The following TULP1 variants were observed in gnomAD, a reference collection of about 807,000 sequenced individuals.
TULP1 encodes tubby-related protein 1.
A neutral mutation model predicts 67.1 loss-of-function variants in TULP1; 50 were observed. That is an observed-to-expected ratio of 0.75 (90% CI 0.59 to 0.94). The LOEUF (loss-of-function observed/expected upper bound fraction) is 0.94. Among genes scored for constraint, TULP1 ranks in the 40% least tolerant of loss-of-function variants. The probability of loss-of-function intolerance (pLI) is 0.00; values close to 1 mark genes in which losing one functional copy is unlikely to be tolerated. For synonymous variants in TULP1, 297 were observed against 294.0 expected, an observed-to-expected ratio of 1.01 and a Z score of -0.11; for missense variants, 746 against 734.1, an observed-to-expected ratio of 1.02 and a Z score of -0.19.
rs147380025 is a variant in TULP1, at chr6:35,501,261, CT to C, written c.1324-1110del. On this transcript the variant is annotated intron_variant, in intron 13 of 14. Coordinates refer to ENST00000229771, the MANE Select transcript of TULP1 (RefSeq NM_003322.6). ...GTGGCTCACGCATATAATCCCAACA[CT>C]TTGAGAAGCCGAGACGAGAGGATCA... 6.2e-3 allele frequency among the ~76,000 whole-genome samples: 947 copies of C among 152,188 alleles called. 9 individuals carry two copies. The highest frequency in any genetic ancestry group is 0.022 in the African/African-American group (900 of 41,522).
rs750063639 is a variant in TULP1 at position 35,505,985 on chromosome 6, C to A, written c.999+18G>T. The A allele has an allele frequency of 6.2e-7, 1 of 1,614,142 alleles. No individual in the cohort carries two copies. On this transcript the variant is annotated intron_variant, in intron 10 of 14. Coordinates refer to ENST00000229771, the MANE Select transcript of TULP1 (RefSeq NM_003322.6). ...GGATCCCTCCACACTCCCTCCTCTGCTGCCTCTCCCCACCCACCTTCTTCT... is the reference window on the plus strand; with the variant it reads ...GGATCCCTCCACACTCCCTCCTCTGATGCCTCTCCCCACCCACCTTCTTCT...
chr6:35,505,551 C>G (rs1436833982), intron 11 of TULP1, 190 bp downstream of exon 11: 5 of 1,500,348 alleles, frequency 3.3e-6, no homozygotes, highest in Non-Finnish European at 4.5e-6. Flanking sequence ...CGGGCCCACC[C>G]CACACACTCA....
rs1561817813 is a variant in TULP1, at chr6:35,510,943, G to C, written c.417C>G (p.Ile139Met). The change falls in exon 5 of 15, where the codon ATC becomes ATG. Residue 139 changes from isoleucine to methionine, a missense_variant. Coordinates refer to ENST00000229771, the MANE Select transcript of TULP1 (RefSeq NM_003322.6). Reference protein sequence around the residue: ...EEEAEEKKEKILLPPKKPLRE... With the variant: ...EEEAEEKKEKMLLPPKKPLRE... The stretch of plus-strand genomic sequence containing the variant: ...TCAGGGGCTTCTTGGGAGGCAGAAG[G>C]ATTTTCTCTTTCTTTTCCTCTGCCT... 8 of 1,613,264 alleles carry C rather than the reference G, an allele frequency of 5.0e-6. No individual in the cohort carries two copies. The highest frequency in any genetic ancestry group is 6.8e-6 in the Non-Finnish European group (8 of 1,179,948).
At position 35,510,974 on chromosome 6, in the gene TULP1, T is replaced by G; in HGVS notation, c.386A>C (p.Glu129Ala). 6.2e-7 allele frequency: 1 copy of G among 1,600,816 alleles called. No individual in the cohort carries two copies. Among genetic ancestry groups the G allele is most frequent in the South Asian group, 1.1e-5 (1 of 90,990 alleles). Residue 129 changes from glutamate (E) to alanine (A), a missense_variant, in exon 5 of 15, where the codon GAA (glutamate) becomes GCA (alanine). Transcript: ENST00000229771. ...CTCTTTCTTTTCCTCTGCCTCCTCT[T>G]CCTCGTCCTCCTCGTCCTCCTCTTC... ...EEEEEDEEDE[E>A]EEAEEKKEKI...
intron 8 of TULP1, among the ~76,000 whole-genome samples, chr6:35,508,766 T>G (rs1761129888): frequency 6.6e-6 from 1 of 152,116 alleles, no homozygotes; most frequent in Non-Finnish European, 1.5e-5. Context: ...GCTGGGAGGT[T>G]GGGAGGTCCT....
rs765500202 is a variant in TULP1 at position 35,509,261 on chromosome 6, G to A, written c.770C>T (p.Thr257Met). ...KEEEEEEEAATVIKKSNQKGK... is the reference protein window; with the variant it reads ...KEEEEEEEAAMVIKKSNQKGK... Reference sequence around the variant, plus strand: ...CTTTTGATTGCTCTTCTTTATCACCGTAGCTGCCTCCTCCTCCTCTTCTTC... The same window carrying A: ...CTTTTGATTGCTCTTCTTTATCACCATAGCTGCCTCCTCCTCCTCTTCTTC... Residue 257 changes from threonine (T) to methionine (M), a missense_variant, in exon 8 of 15, where the codon ACG becomes ATG. Physicochemically the swap from Thr to Met is moderately conservative, Grantham distance 81. Coordinates refer to ENST00000229771, the MANE Select transcript of TULP1 (RefSeq NM_003322.6). 2.2e-5 allele frequency: 36 copies of A among 1,613,774 alleles called. No homozygotes were observed. The highest frequency in any genetic ancestry group is 2.5e-5 in the Non-Finnish European group (29 of 1,179,932).
Position 35,511,652 on chromosome 6 carries a change from C to T in TULP1, c.345G>A (p.Glu115=). 2 of 1,594,172 alleles carry T rather than the reference C, an allele frequency of 1.3e-6. No homozygotes were observed. Among genetic ancestry groups the T allele is most frequent in the Non-Finnish European group, 1.7e-6 (2 of 1,169,842 alleles). ...GTCCCTGGGGCCCTCTCTCACCGTCCTCCGCGTCTGGGGCACGGGCTACCA... is the reference window on the plus strand; with the variant it reads ...GTCCCTGGGGCCCTCTCTCACCGTCTTCCGCGTCTGGGGCACGGGCTACCA... ...TFLVARAPDA[E]DEEEEEEEDE... Residue 115 remains glutamate, a synonymous_variant, in exon 4 of 15, where the codon GAG becomes GAA. Coordinates refer to ENST00000229771, the MANE Select transcript of TULP1 (RefSeq NM_003322.6).
chr6:35,509,422 C>T (rs1761151460), intron 7 of TULP1, 110 bp from the exon 8 acceptor site: 5 of 1,185,608 alleles, frequency 4.2e-6, no homozygotes, highest in Non-Finnish European at 5.0e-6. Flanking sequence ...GAGAGTCGAC[C>T]CCATGTTATT....
At chr6:35,509,491 G>A (rs540643717) in intron 7 of TULP1, 143 bp downstream of exon 7, 2 of 1,060,390 alleles carry the variant, frequency 1.9e-6, no homozygotes, top group Non-Finnish European at 2.9e-6. Flanking sequence ...CAAAGCGGGG[G>A]TCAAGATGCC....
At position 35,511,009 on chromosome 6, in the gene TULP1, C is replaced by A; in HGVS notation, c.351G>T (p.Glu117Asp). ...LVARAPDAED[E>D]EEEEEEDEED... ...CCTCGTCCTCCTCTTCCTCCTCCTC[C>A]TCTGCAGGTAGAAACTCTTCATAAT... is the stretch of plus-strand genomic sequence containing the variant. Residue 117 changes from glutamate (E) to aspartate (D), a missense_variant and splice_region_variant, in exon 5 of 15, where the codon GAG becomes GAT. By Grantham distance (45) the Glu-to-Asp change is conservative. This residue lies in a region of TULP1 where 359 missense variants were observed against 341.9 expected (regional missense o/e 1.05). Coordinates refer to ENST00000229771, the MANE Select transcript of TULP1 (RefSeq NM_003322.6). 1 of 1,605,276 alleles carries A rather than the reference C, an allele frequency of 6.2e-7. No individual in the cohort carries two copies.
At chr6:35,509,957 A>G (rs1285028384) in intron 5 of TULP1, 29 bp from the exon 6 acceptor site, 1 of 1,608,880 alleles carries the variant, frequency 6.2e-7, no homozygotes, top group South Asian at 1.1e-5. Flanking sequence ...GGTCAGGCAA[A>G]GAAGGTGTCT....
chr6:35,499,920 A>C, intron 14 of TULP1, 61 bp downstream of exon 14: 1 of 1,598,572 alleles, frequency 6.3e-7, no homozygotes, highest in Non-Finnish European at 8.6e-7. Flanking sequence ...GGGAGCTTGA[A>C]TGAAGGTCAG....
At chr6:35,504,726 A>AT (rs557027315) in intron 11 of TULP1, among the ~76,000 whole-genome samples, 4,545 of 143,252 alleles carry the variant, frequency 0.032, 148 homozygotes, top group African/African-American at 0.093. Context: ...CGCTGGGCTA[A>AT]TTTTTTTTTT....
At chr6:35,511,290 G>A (rs1233118652) in intron 4 of TULP1, among the ~76,000 whole-genome samples, 6 of 152,154 alleles carry the variant, frequency 3.9e-5, no homozygotes, top group African/African-American at 4.8e-5. Flanking sequence ...TTACACGCTC[G>A]CCTTGCCTCC....
At chr6:35,506,811 G>A (rs1761097657) in intron 8 of TULP1, among the ~76,000 whole-genome samples, 1 of 152,116 alleles carries the variant, frequency 6.6e-6, no homozygotes, top group Non-Finnish European at 1.5e-5. Flanking sequence ...TCTCCTATGA[G>A]GTCCAGAGCC....
At chr6:35,511,939 T>G (rs1179177794) in intron 3 of TULP1, 133 bp from the exon 4 acceptor site, 8 of 1,085,620 alleles carry the variant, frequency 7.4e-6, no homozygotes, top group Non-Finnish European at 8.9e-6. Context: ...GGCTTGGGTT[T>G]CCACTTTCAA....
chr6:35,504,124 T>G lies in TULP1; in HGVS notation c.1113-276A>C, dbSNP rs117913447. On this transcript the variant is annotated intron_variant, in intron 11 of 14. Coordinates refer to ENST00000229771, the MANE Select transcript of TULP1 (RefSeq NM_003322.6). ...TGAGTCCAGGAGTTGGAAACCAGCC[T>G]GGGCAACATGGCAGACAACGCTGTC... 8.0e-4 allele frequency: 320 copies of G among 399,272 alleles called. 1 individual carries two copies. In the East Asian group the frequency reaches 0.012, roughly 15 times the overall value. The allele number at this position is 399,272 out of a possible 1,614,324, so 24.7% of individuals were successfully genotyped here. A position where few individuals can be genotyped will look rare whatever the true frequency, so the allele number is the denominator to read the frequency against.
chr6:35,511,035 G>C (rs1441092914), intron 4 of TULP1, 25 bp from the exon 5 acceptor site: 1 of 1,601,142 alleles, frequency 6.2e-7, no homozygotes, highest in Non-Finnish European at 8.5e-7. Context: ...TCTTCATAAT[G>C]GGGGTTTGAG....
At position 35,509,924 on chromosome 6, in the gene TULP1, G is replaced by T; in HGVS notation, c.504C>A (p.Asp168Glu). The change falls in exon 6 of 15, where the codon GAC becomes GAA. Residue 168 changes from aspartate to glutamate, a missense_variant. By Grantham distance (45) the Asp-to-Glu change is conservative (BLOSUM62 2). Around this residue, in one of 3 missense-constraint regions of TULP1, gnomAD observed 359 missense variants for 341.9 expected, o/e 1.05. Coordinates refer to ENST00000229771, the MANE Select transcript of TULP1 (RefSeq NM_003322.6). ...TCGGTGGGGGGTCAGGGCTTCCCAG[G>T]TCTCCTGGAAATGGAAGATGGGGGT... ...RRAKAQGPRG[D>E]LGSPDPPPKP... The T allele has an allele frequency of 6.2e-7, 1 of 1,613,704 alleles. No individual in the cohort carries two copies. The highest frequency in any genetic ancestry group is 8.5e-7 in the Non-Finnish European group (1 of 1,179,998).
Sources: gnomAD v4.1 joint callset for allele counts (sites outside exome capture counted in the v4.1 genomes callset) on GRCh38, gnomAD v4.1.1 for gene constraint, gnomAD v4.1.1 regional missense constraint, MANE v1.5 for transcripts, NCBI Gene and HGNC (gene_info 2026-07-23, HGNC 2026-07-21) for gene names.